Variants in MAPKAP1 observed in about 807,000 individuals in gnomAD.
MAPKAP1 encodes MAPK associated protein 1, also known as target of rapamycin complex 2 subunit MAPKAP1.
MAPKAP1 carries 20 observed loss-of-function variants against 65.7 expected under a neutral mutation model. That is an observed-to-expected ratio of 0.30 (90% CI 0.21 to 0.44). The LOEUF (loss-of-function observed/expected upper bound fraction) is 0.44. Ranked by LOEUF, MAPKAP1 falls within the 20% of genes least tolerant of loss-of-function variation. The pLI is 1.00. For synonymous variants in MAPKAP1, 222 were observed against 244.3 expected, an observed-to-expected ratio of 0.91 and a Z score of 0.85; for missense variants, 423 against 648.0, an observed-to-expected ratio of 0.65 and a Z score of 3.77.
At chr9:125,614,850 C>A in intron 4 of MAPKAP1, among the ~76,000 whole-genome samples, 1 of 152,072 alleles carries the variant, frequency 6.6e-6, no homozygotes, top group East Asian at 1.9e-4. Context: ...GGAAACATTT[C>A]CTTTGATATC....
intron 4 of MAPKAP1, among the ~76,000 whole-genome samples, chr9:125,648,315 A>G (rs1833790236): frequency 6.6e-6 from 1 of 152,160 alleles, no homozygotes; most frequent in Admixed American, 6.5e-5. Flanking sequence ...GAAAGTTCCA[A>G]TGTATACACA....
chr9:125,626,276 T>C (rs964708238), intron 4 of MAPKAP1, among the ~76,000 whole-genome samples: 1 of 152,252 alleles, frequency 6.6e-6, no homozygotes, highest in Non-Finnish European at 1.5e-5. Context: ...CAAAAGTGCC[T>C]GCTCAGCAAC....
intron 4 of MAPKAP1, among the ~76,000 whole-genome samples, chr9:125,589,323 A>G (rs73667020): frequency 0.026 from 3,944 of 152,242 alleles, 172 homozygotes; most frequent in African/African-American, 0.091. Flanking sequence ...TGCTTTCTCC[A>G]CGAAGTTTCC....
At chr9:125,619,038 T>C (rs1214594403) in intron 4 of MAPKAP1, among the ~76,000 whole-genome samples, 1 of 152,044 alleles carries the variant, frequency 6.6e-6, no homozygotes, top group Admixed American at 6.6e-5. Flanking sequence ...GAGGCTGAGG[T>C]GGGAAGATTG....
intron 9 of MAPKAP1, among the ~76,000 whole-genome samples, chr9:125,483,812 TA>T (rs1393663903): frequency 1.3e-5 from 2 of 152,152 alleles, no homozygotes; most frequent in African/African-American, 2.4e-5. Flanking sequence ...GTAGTACATG[TA>T]AAGCACTTAA....
chr9:125,654,240 G>C, intron 4 of MAPKAP1, among the ~76,000 whole-genome samples: 1 of 152,132 alleles, frequency 6.6e-6, no homozygotes, highest in East Asian at 1.9e-4. Flanking sequence ...AGAAGGACTG[G>C]CACAAGAAGT....
intron 4 of MAPKAP1, among the ~76,000 whole-genome samples, chr9:125,586,791 T>C (rs1222104004): frequency 6.6e-6 from 1 of 152,116 alleles, no homozygotes; most frequent in African/African-American, 2.4e-5. Context: ...TAGAAAAGTG[T>C]CACAGAAAAC....
intron 4 of MAPKAP1, among the ~76,000 whole-genome samples, chr9:125,618,654 A>C (rs939071799): frequency 2.6e-5 from 4 of 152,220 alleles, no homozygotes; most frequent in African/African-American, 9.6e-5. Context: ...ACCTATAGTC[A>C]CTCAAATTTG....
At chr9:125,456,456 A>T (rs1359083648) in intron 10 of MAPKAP1, among the ~76,000 whole-genome samples, 1 of 152,198 alleles carries the variant, frequency 6.6e-6, no homozygotes, top group Non-Finnish European at 1.5e-5. Context: ...CAGATTCTGA[A>T]ATGGCTCCCA....
intron 10 of MAPKAP1, among the ~76,000 whole-genome samples, chr9:125,448,332 A>G (rs1852799143): frequency 6.6e-6 from 1 of 152,264 alleles, no homozygotes; most frequent in African/African-American, 2.4e-5. Context: ...ATTAAAGTGT[A>G]ACAATTCATT....
rs7855243 is a variant in MAPKAP1, at chr9:125,557,874, T to G, written c.848+1759A>C. On this transcript the variant is annotated intron_variant, in intron 6 of 11. Coordinates refer to ENST00000265960, the MANE Select transcript of MAPKAP1 (RefSeq NM_001006617.3). ...CTGAAACGTTTATAATTTATTATTT[T>G]TAGATGGAGTCTCACTTTGTCGCCC... Among the ~76,000 whole-genome samples the G allele has an allele frequency of 7.4e-3, 1,130 of 152,312 alleles. 19 individuals are homozygous for G. The highest frequency in any genetic ancestry group is 0.025 in the African/African-American group (1,053 of 41,560).
chr9:125,559,622 T>C lies in MAPKAP1; in HGVS notation c.848+11A>G, dbSNP rs1345970450. ...TGAGATACCGAGAGAAGTAATAGAG[T>C]CAGTACTCACATTCGAACAAAGAGT... On this transcript the variant is annotated intron_variant, in intron 6 of 11. Coordinates refer to ENST00000265960, the MANE Select transcript of MAPKAP1 (RefSeq NM_001006617.3). 3 of 1,605,652 alleles carry C rather than the reference T, an allele frequency of 1.9e-6. 1 individual carries two copies. The Admixed American group carries it at 5.0e-5, about 27-fold the overall frequency.
chr9:125,446,492 T>G (rs768213734), intron 10 of MAPKAP1, among the ~76,000 whole-genome samples: 1 of 152,114 alleles, frequency 6.6e-6, no homozygotes, highest in Non-Finnish European at 1.5e-5. Flanking sequence ...CTATTCACAT[T>G]CACAGGATCT....
chr9:125,466,959 C>T (rs569983981), intron 10 of MAPKAP1, among the ~76,000 whole-genome samples: 68 of 152,338 alleles, frequency 4.5e-4, no homozygotes, highest in Middle Eastern at 3.4e-3. Flanking sequence ...TACAAACACT[C>T]GCTGGCCTTT....
chr9:125,524,683 T>C (rs1410442174), intron 7 of MAPKAP1, among the ~76,000 whole-genome samples: 1 of 152,242 alleles, frequency 6.6e-6, no homozygotes, highest in Non-Finnish European at 1.5e-5. Context: ...ATCTGGGAGC[T>C]GGGCTGCCCT....
intron 5 of MAPKAP1, among the ~76,000 whole-genome samples, chr9:125,575,173 T>A (rs1831355361): frequency 6.6e-6 from 1 of 152,110 alleles, no homozygotes; most frequent in African/African-American, 2.4e-5. Context: ...GCAACAAAGC[T>A]CTTGCAAAAA....
intron 8 of MAPKAP1, among the ~76,000 whole-genome samples, chr9:125,505,419 C>T (rs766233646): frequency 2.1e-5 from 3 of 144,258 alleles, no homozygotes; most frequent in Non-Finnish European, 4.7e-5. Context: ...AGCGAGACTC[C>T]GTCTCAAAAA....
chr9:125,617,085 A>G (rs760784534), intron 4 of MAPKAP1, among the ~76,000 whole-genome samples: 6 of 152,228 alleles, frequency 3.9e-5, no homozygotes, highest in Admixed American at 3.3e-4. Context: ...AAATTAATGT[A>G]ATCATTCCAC....
chr9:125,506,321 A>T lies in MAPKAP1; in HGVS notation c.1055T>A (p.Val352Asp). The change falls in exon 8 of 12, where the codon GTC becomes GAC. Residue 352 changes from valine (V) to aspartate (D), a missense_variant. Around this residue, in one of 6 missense-constraint regions of MAPKAP1, gnomAD observed 185 missense variants for 268.1 expected, o/e 0.69. Coordinates refer to ENST00000265960, the MANE Select transcript of MAPKAP1 (RefSeq NM_001006617.3). ...GGCGGCCAACGTACTGTTCTCGCGG[A>T]CCAGGCAGAACTCCCATGCGCTCTG... ...ESQSAWEFCL[V>D]RENSSRADGV... is the part of the protein sequence containing the mutation. The T allele has an allele frequency of 6.2e-7, 1 of 1,614,008 alleles. No homozygotes were observed. The highest frequency in any genetic ancestry group is 8.5e-7 in the Non-Finnish European group (1 of 1,179,940).
Sources: gnomAD v4.1 joint callset for allele counts (sites outside exome capture counted in the v4.1 genomes callset) on GRCh38, gnomAD v4.1.1 for gene constraint, gnomAD v4.1.1 regional missense constraint, MANE v1.5 for transcripts, NCBI Gene and HGNC (gene_info 2026-07-23, HGNC 2026-07-21) for gene names.